Variants in CWF19L1 observed in about 807,000 individuals in gnomAD.
The protein encoded by CWF19L1 is CWF19-like protein 1.
Under a neutral mutation model 69.7 loss-of-function variants are expected in CWF19L1, and 60 were observed. That is an observed-to-expected ratio of 0.86 (90% confidence interval 0.70 to 1.07). The LOEUF is 1.07. Among genes scored for constraint, CWF19L1 ranks in the 50% least tolerant of loss-of-function variants. The pLI is 0.00. For synonymous variants in CWF19L1, 209 were observed against 222.2 expected, an observed-to-expected ratio of 0.94 and a Z score of 0.53; for missense variants, 591 against 638.9, an observed-to-expected ratio of 0.92 and a Z score of 0.81.
chr10:100,246,796 A>G lies in CWF19L1; in HGVS notation c.848T>C (p.Val283Ala). ...ASIGKQILAP[V>A]EESACQFFFD... ...TGCCAACCCTCAATCAGAACATACC[A>G]CAGGGGCAAGAATTTGCTTTCCTAT... The change falls in exon 8 of 14, where the codon GTG becomes GCG. Residue 283 changes from valine (V) to alanine (A), a missense_variant and splice_region_variant. Transcript: ENST00000354105. The G allele has an allele frequency of 6.2e-7, 1 of 1,613,432 alleles. No individual in the cohort carries two copies.
chr10:100,254,879 G>A (rs571153061), intron 5 of CWF19L1, among the ~76,000 whole-genome samples: 2 of 151,986 alleles, frequency 1.3e-5, no homozygotes, highest in Non-Finnish European at 2.9e-5. Context: ...TGTATTCTAC[G>A]TAAAGAGTAA....
At chr10:100,264,397 T>C (rs1847503444) in intron 1 of CWF19L1, among the ~76,000 whole-genome samples, 1 of 151,888 alleles carries the variant, frequency 6.6e-6, no homozygotes, top group African/African-American at 2.4e-5. Flanking sequence ...TACAAAAAAT[T>C]AGCCGGGCGT....
At chr10:100,252,092 G>A (rs1466357173) in intron 6 of CWF19L1, among the ~76,000 whole-genome samples, 1 of 152,128 alleles carries the variant, frequency 6.6e-6, no homozygotes, top group African/African-American at 2.4e-5. Context: ...AAAAAGAAGG[G>A]AAAGAAGTTA....
At chr10:100,255,720 G>A (rs1036634538) in intron 5 of CWF19L1, among the ~76,000 whole-genome samples, 1 of 144,928 alleles carries the variant, frequency 6.9e-6, no homozygotes, top group Non-Finnish European at 1.5e-5. Flanking sequence ...CAGAGATGGC[G>A]CCACTGCCCT....
At chr10:100,252,093 A>G (rs1847055565) in intron 6 of CWF19L1, among the ~76,000 whole-genome samples, 1 of 152,198 alleles carries the variant, frequency 6.6e-6, no homozygotes, top group African/African-American at 2.4e-5. Context: ...AAAAGAAGGG[A>G]AAGAAGTTAT....
intron 7 of CWF19L1, among the ~76,000 whole-genome samples, chr10:100,247,996 T>C (rs1221189505): frequency 1.2e-4 from 18 of 152,150 alleles, no homozygotes; most frequent in Admixed American, 1.2e-3. Context: ...ACAAAGTTTT[T>C]AGATGAATTT....
intron 13 of CWF19L1, chr10:100,234,113 T>G (rs1041781122): frequency 1.1e-4 from 17 of 152,228 alleles, no homozygotes; most frequent in Non-Finnish European, 2.1e-4. Flanking sequence ...TTTGATATAT[T>G]AGAAATAATT....
At chr10:100,258,976 G>GCCT in intron 4 of CWF19L1, among the ~76,000 whole-genome samples, 2 of 151,860 alleles carry the variant, frequency 1.3e-5, no homozygotes, top group Middle Eastern at 6.9e-3. Context: ...GCTGAGGCAG[G>GCCT]CGGGTCACCA....
intron 7 of CWF19L1, chr10:100,248,646 G>A: frequency 1.3e-6 from 1 of 792,694 alleles, no homozygotes; most frequent in Non-Finnish European, 2.2e-6. Context: ...TCAAGTCAGT[G>A]GTGGCTCACT....
At chr10:100,240,721 G>C (rs1433015528) in intron 10 of CWF19L1, among the ~76,000 whole-genome samples, 1 of 152,142 alleles carries the variant, frequency 6.6e-6, no homozygotes, top group Non-Finnish European at 1.5e-5. Context: ...TCCTGCGTGT[G>C]ATCTTGAACC....
intron 7 of CWF19L1, among the ~76,000 whole-genome samples, chr10:100,249,751 ATTTT>A (rs1160044145): frequency 6.6e-6 from 1 of 151,908 alleles, no homozygotes; most frequent in Non-Finnish European, 1.5e-5. Context: ...CACCTGGCTA[ATTTT>A]TTTTATTTTT....
intron 13 of CWF19L1, among the ~76,000 whole-genome samples, chr10:100,233,710 A>G (rs1280413355): frequency 1.3e-5 from 2 of 152,236 alleles, no homozygotes; most frequent in Non-Finnish European, 2.9e-5. Context: ...CTTGCTATCT[A>G]TGATCTAGAC....
chr10:100,266,860 TTTG>T, intron 1 of CWF19L1, among the ~76,000 whole-genome samples: 1 of 149,936 alleles, frequency 6.7e-6, no homozygotes, highest in African/African-American at 2.5e-5. Context: ...TTTGTTTTGT[TTTG>T]TTTTGAGAGT....
At position 100,235,988 on chromosome 10, in the gene CWF19L1, G is replaced by C. The variant is rs1405078176; in HGVS notation, c.1375-224C>G. Among the ~76,000 whole-genome samples, 3 of 152,046 alleles carry C rather than the reference G, an allele frequency of 2.0e-5. No homozygotes were observed. In the East Asian group the frequency reaches 5.8e-4, roughly 29 times the overall value. The stretch of plus-strand genomic sequence containing the variant: ...TCTATCCTTCTAAGTTCCTACCTTA[G>C]GAAATTCTAATTTCTTGCTCTTCCC... On this transcript the variant is annotated intron_variant, in intron 12 of 13. Coordinates refer to ENST00000354105, the MANE Select transcript of CWF19L1 (RefSeq NM_018294.6).
chr10:100,261,143 A>C, intron 2 of CWF19L1, 99 bp from the exon 3 acceptor site: 3 of 770,194 alleles, frequency 3.9e-6, no homozygotes, highest in Non-Finnish European at 6.4e-6. Context: ...GTTTCAAATC[A>C]GTTTTTAATT....
chr10:100,235,773 A>C lies in CWF19L1; in HGVS notation c.1375-9T>G. On this transcript the variant is annotated splice_polypyrimidine_tract_variant and intron_variant, in intron 12 of 13. Coordinates refer to ENST00000354105, the MANE Select transcript of CWF19L1 (RefSeq NM_018294.6). ...GCTCCTGGCTGTGCAATCTAAAGTA[A>C]ACAGAGTTGTATGAGGATGTCCAAT... 1 of 1,590,124 alleles carries C rather than the reference A, an allele frequency of 6.3e-7. No homozygotes were observed. Among genetic ancestry groups the C allele is most frequent in the African/African-American group, 1.3e-5 (1 of 74,640 alleles).
At chr10:100,237,810 C>A (rs1424375898) in intron 11 of CWF19L1, among the ~76,000 whole-genome samples, 4 of 152,004 alleles carry the variant, frequency 2.6e-5, no homozygotes, top group East Asian at 1.9e-4. Context: ...CCACGCCCAG[C>A]TAATTTTTTT....
intron 1 of CWF19L1, among the ~76,000 whole-genome samples, chr10:100,266,946 A>G (rs1429630743): frequency 6.7e-6 from 1 of 149,666 alleles, no homozygotes; most frequent in Non-Finnish European, 1.5e-5. Context: ...CCCGGGTTCA[A>G]GCGATTCTCC....
intron 5 of CWF19L1, 131 bp from the exon 6 acceptor site, chr10:100,253,670 T>A (rs553523046): frequency 2.3e-4 from 133 of 584,008 alleles, no homozygotes; most frequent in Non-Finnish European, 3.4e-4. Context: ...AACTGCACAT[T>A]GAATTTCATA....
Sources: allele counts gnomAD v4.1 joint callset (sites outside exome capture counted in the v4.1 genomes callset), GRCh38; gene constraint gnomAD v4.1.1; transcripts MANE v1.5; gene names NCBI Gene and HGNC (gene_info 2026-07-23, HGNC 2026-07-21).